The following SLC25A40 variants were observed in gnomAD, a reference collection of about 807,000 sequenced individuals.
SLC25A40 encodes the protein solute carrier family 25 member 40.
A neutral mutation model predicts 46.5 loss-of-function variants in SLC25A40; 41 were observed. The ratio of observed to expected loss-of-function variants is 0.88; its 90% CI spans 0.69 to 1.14. The LOEUF is 1.14. Among genes scored for constraint, SLC25A40 ranks in the 50% most tolerant of loss-of-function variants. SLC25A40 has a pLI of 0.00. For synonymous variants in SLC25A40, 126 were observed against 127.5 expected, an observed-to-expected ratio of 0.99 and a Z score of 0.08; for missense variants, 386 against 393.6, an observed-to-expected ratio of 0.98 and a Z score of 0.16.
chr7:87,854,551 C>T (rs563470848), intron 4 of SLC25A40, among the ~76,000 whole-genome samples: 33 of 152,186 alleles, frequency 2.2e-4, no homozygotes, highest in African/African-American at 7.0e-4. Flanking sequence ...TATATTAGGC[C>T]GGTGTAATCC....
intron 3 of SLC25A40, 188 bp from the exon 4 acceptor site, chr7:87,856,539 G>C: frequency 1.5e-6 from 1 of 647,272 alleles, no homozygotes; most frequent in East Asian, 2.8e-5. Flanking sequence ...GTTAATCAGT[G>C]AAAGACAGAC....
intron 1 of SLC25A40, among the ~76,000 whole-genome samples, chr7:87,870,955 A>G (rs1376790674): frequency 3.9e-5 from 6 of 152,172 alleles, no homozygotes; most frequent in Non-Finnish European, 8.8e-5. Context: ...CTAACACTTA[A>G]GCTGTCCGTG....
intron 5 of SLC25A40, 81 bp downstream of exon 5, chr7:87,854,123 C>A (rs1167016698): frequency 3.2e-6 from 3 of 943,592 alleles, no homozygotes; most frequent in East Asian, 2.6e-5. Flanking sequence ...TGATTCTTAA[C>A]CCTCTTGCAA....
At chr7:87,836,489 G>T in intron 11 of SLC25A40, 128 bp from the exon 12 acceptor site, 2 of 631,454 alleles carry the variant, frequency 3.2e-6, no homozygotes, top group South Asian at 3.8e-5. Context: ...TCCATAAATT[G>T]GTAGAAAAGA....
chr7:87,867,133 A>G (rs1184987817), intron 1 of SLC25A40, among the ~76,000 whole-genome samples: 2 of 152,248 alleles, frequency 1.3e-5, no homozygotes, highest in African/African-American at 2.4e-5. Flanking sequence ...AGACCTTCCT[A>G]TAACTGGATA....
At chr7:87,863,455 G>A (rs1446959824) in intron 1 of SLC25A40, among the ~76,000 whole-genome samples, 1 of 151,920 alleles carries the variant, frequency 6.6e-6, no homozygotes, top group Admixed American at 6.6e-5. Context: ...CACTGTGATT[G>A]CCAGTTTCCT....
chr7:87,841,794 TA>T, intron 9 of SLC25A40, 80 bp from the exon 10 acceptor site: 7 of 743,786 alleles, frequency 9.4e-6, no homozygotes, highest in Non-Finnish European at 1.4e-5. Context: ...CTTATTAGTA[TA>T]TTATTTAAGG....
intron 10 of SLC25A40, among the ~76,000 whole-genome samples, chr7:87,840,161 G>T (rs1838310260): frequency 6.6e-6 from 1 of 151,598 alleles, no homozygotes; most frequent in Non-Finnish European, 1.5e-5. Context: ...TTCCTTTTAG[G>T]TTTAAATGAG....
intron 1 of SLC25A40, among the ~76,000 whole-genome samples, chr7:87,861,687 A>G (rs1403804441): frequency 6.6e-6 from 1 of 152,164 alleles, no homozygotes; most frequent in Non-Finnish European, 1.5e-5. Context: ...AAAATAATAT[A>G]TGTATGCTAG....
At chr7:87,838,054 C>A (rs1479799718) in intron 10 of SLC25A40, among the ~76,000 whole-genome samples, 1 of 151,390 alleles carries the variant, frequency 6.6e-6, no homozygotes, top group Non-Finnish European at 1.5e-5. Context: ...ATATCAGAAT[C>A]TCTGACTATG....
chr7:87,848,676 C>G (rs1838458620), intron 6 of SLC25A40, among the ~76,000 whole-genome samples: 1 of 152,272 alleles, frequency 6.6e-6, no homozygotes, highest in African/African-American at 2.4e-5. Context: ...TAATGACATA[C>G]TATTTTAAAA....
intron 1 of SLC25A40, among the ~76,000 whole-genome samples, chr7:87,862,285 T>C (rs75329256): frequency 0.029 from 4,491 of 152,294 alleles, 64 homozygotes; most frequent in Middle Eastern, 0.048. Flanking sequence ...TAGTAGAACA[T>C]CTCATGAAGA....
intron 1 of SLC25A40, among the ~76,000 whole-genome samples, chr7:87,867,613 G>A (rs942134957): frequency 1.4e-4 from 22 of 152,024 alleles, no homozygotes; most frequent in Non-Finnish European, 5.9e-5. Flanking sequence ...TGTCTTTTTG[G>A]GGAGGTCACT....
intron 8 of SLC25A40, among the ~76,000 whole-genome samples, chr7:87,845,519 G>A (rs991009189): frequency 9.2e-5 from 14 of 151,984 alleles, no homozygotes; most frequent in Admixed American, 4.6e-4. Flanking sequence ...GAATAGTTTC[G>A]TTCTGAAACC....
intron 6 of SLC25A40, among the ~76,000 whole-genome samples, chr7:87,848,544 A>G (rs1838455978): frequency 6.6e-6 from 1 of 152,244 alleles, no homozygotes; most frequent in Non-Finnish European, 1.5e-5. Flanking sequence ...AGCGAAATAA[A>G]AAGTACGTGA....
intron 1 of SLC25A40, among the ~76,000 whole-genome samples, chr7:87,862,202 T>C (rs1014498349): frequency 2.6e-5 from 4 of 152,174 alleles, no homozygotes; most frequent in Non-Finnish European, 4.4e-5. Context: ...GTGCAGACAC[T>C]GTCCCTTTTT....
At chr7:87,856,549 CG>C (rs1838618902) in intron 3 of SLC25A40, among the ~76,000 whole-genome samples, 198 bp from the exon 4 acceptor site, 1 of 152,036 alleles carries the variant, frequency 6.6e-6, no homozygotes, top group African/African-American at 2.4e-5. Context: ...GAAAGACAGA[CG>C]AATTACTTCT....
chr7:87,875,986 G>A (rs1048225338), intron 1 of SLC25A40, 110 bp downstream of exon 1: 1 of 152,298 alleles, frequency 6.6e-6, no homozygotes, highest in Non-Finnish European at 1.5e-5. Context: ...GCCGCTGTCC[G>A]GCTCCGGTTC....
chr7:87,860,687 A>C (rs1219679746), intron 1 of SLC25A40, 47 bp from the exon 2 acceptor site: 3 of 152,230 alleles, frequency 2.0e-5, no homozygotes, highest in African/African-American at 4.8e-5. Context: ...ACACAGGAAA[A>C]GGATAATAAA....
Sources: gnomAD v4.1 joint callset for allele counts (sites outside exome capture counted in the v4.1 genomes callset) on GRCh38, gnomAD v4.1.1 for gene constraint, MANE v1.5 for transcripts, NCBI Gene and HGNC (gene_info 2026-07-23, HGNC 2026-07-21) for gene names.